Variants in CDH18 observed in about 807,000 individuals in gnomAD.
The protein encoded by CDH18 is cadherin 18.
In CDH18, 31 loss-of-function variants were observed where a neutral mutation model predicts 67.9. The ratio of observed to expected loss-of-function variants is 0.46; its 90% CI spans 0.34 to 0.62. CDH18 has a LOEUF of 0.62. CDH18 is among the 20% of genes least tolerant of loss of function. CDH18 has a pLI of 0.01. For missense variants in CDH18, 890 were observed against 975.5 expected, an observed-to-expected ratio of 0.91 and a Z score of 1.17; for synonymous variants, 362 against 347.2, an observed-to-expected ratio of 1.04 and a Z score of -0.48.
At chr5:20,408,909 G>T (rs1279809296) in intron 1 of CDH18, among the ~76,000 whole-genome samples, 1 of 151,580 alleles carries the variant, frequency 6.6e-6, no homozygotes, top group Non-Finnish European at 1.5e-5. Context: ...AACAAAGAAA[G>T]CTAGGAATAC....
intron 6 of CDH18, among the ~76,000 whole-genome samples, chr5:19,602,690 G>A (rs527867860): frequency 7.9e-5 from 12 of 152,220 alleles, no homozygotes; most frequent in African/African-American, 2.4e-4. Flanking sequence ...ATGGCAGGGC[G>A]TGGTGGCTCA....
At chr5:19,826,540 T>C (rs1243059821) in intron 3 of CDH18, among the ~76,000 whole-genome samples, 1 of 152,100 alleles carries the variant, frequency 6.6e-6, no homozygotes, top group African/African-American at 2.4e-5. Flanking sequence ...TCAGCAGAAA[T>C]CCTACAGGCC....
intron 1 of CDH18, among the ~76,000 whole-genome samples, chr5:20,308,473 G>T (rs1313094959): frequency 1.3e-5 from 2 of 151,822 alleles, no homozygotes; most frequent in Admixed American, 1.3e-4. Flanking sequence ...AACCCGGGAG[G>T]GGGAGGTTGC....
intron 2 of CDH18, among the ~76,000 whole-genome samples, chr5:20,140,301 C>T (rs1335085195): frequency 1.3e-5 from 2 of 152,020 alleles, no homozygotes; most frequent in African/African-American, 4.8e-5. Context: ...GGGAACATCA[C>T]ACACTGGGAC....
At chr5:19,804,141 A>T (rs1561334259) in intron 3 of CDH18, 1 of 150,324 alleles carries the variant, frequency 6.7e-6, no homozygotes, top group East Asian at 1.9e-4. Flanking sequence ...AAAAAAGAAA[A>T]AATACGAAAA....
chr5:20,176,154 G>A (rs1737217086), intron 2 of CDH18, among the ~76,000 whole-genome samples: 2 of 152,152 alleles, frequency 1.3e-5, no homozygotes, highest in South Asian at 4.1e-4. Context: ...GCAAGACGCA[G>A]TTTTACATGC....
chr5:20,332,244 A>G (rs902403176), intron 1 of CDH18, among the ~76,000 whole-genome samples: 1 of 152,178 alleles, frequency 6.6e-6, no homozygotes, highest in Non-Finnish European at 1.5e-5. Flanking sequence ...AGAGCAGGGT[A>G]TTTGTTATGT....
At chr5:20,361,144 G>GTTCA (rs920386158) in intron 1 of CDH18, among the ~76,000 whole-genome samples, 2 of 151,816 alleles carry the variant, frequency 1.3e-5, no homozygotes, top group African/African-American at 2.4e-5. Flanking sequence ...ATTAAAAATT[G>GTTCA]TTCATTCATT....
intron 1 of CDH18, among the ~76,000 whole-genome samples, chr5:20,318,159 C>T (rs978951694): frequency 2.0e-5 from 3 of 152,242 alleles, no homozygotes; most frequent in African/African-American, 7.2e-5. Context: ...CTGGGAAATG[C>T]TGATCTAACT....
At chr5:20,478,859 A>G (rs913096334) in intron 1 of CDH18, among the ~76,000 whole-genome samples, 15 of 152,140 alleles carry the variant, frequency 9.9e-5, no homozygotes, top group African/African-American at 3.1e-4. Context: ...TGATGGCCAC[A>G]GAAGTGCTGG....
chr5:20,521,904 G>C (rs142039883), intron 1 of CDH18, among the ~76,000 whole-genome samples: 1 of 152,080 alleles, frequency 6.6e-6, no homozygotes, highest in South Asian at 2.1e-4. Context: ...AACCCTCTTC[G>C]AATATTTCAT....
chr5:20,477,410 T>C (rs906168140), intron 1 of CDH18, among the ~76,000 whole-genome samples: 2 of 152,338 alleles, frequency 1.3e-5, no homozygotes, highest in South Asian at 2.1e-4. Flanking sequence ...AGACAGTCTT[T>C]AGTTCTTCTG....
chr5:20,069,403 T>C (rs1252855309), intron 2 of CDH18, among the ~76,000 whole-genome samples: 1 of 65,194 alleles, frequency 1.5e-5, no homozygotes, highest in Non-Finnish European at 3.6e-5. Flanking sequence ...CTTTTTTTTA[T>C]TATTTTTATT....
intron 1 of CDH18, among the ~76,000 whole-genome samples, chr5:19,987,507 T>C (rs1350184091): frequency 2.7e-5 from 4 of 150,824 alleles, no homozygotes; most frequent in Admixed American, 6.6e-5. Context: ...TAAGCTTTAA[T>C]AAGCATTTAA....
chr5:20,515,551 A>G (rs2126500984), intron 1 of CDH18, among the ~76,000 whole-genome samples: 1 of 152,134 alleles, frequency 6.6e-6, no homozygotes, highest in East Asian at 1.9e-4. Flanking sequence ...GATTTGTTTA[A>G]TTCTATTGAA....
At chr5:20,473,231 C>A (rs1355095877) in intron 1 of CDH18, among the ~76,000 whole-genome samples, 1 of 151,676 alleles carries the variant, frequency 6.6e-6, no homozygotes, top group South Asian at 2.1e-4. Context: ...AAAACAAAAA[C>A]AAAAAATTAA....
chr5:19,746,762 T>A lies in CDH18; in HGVS notation c.523+180A>T, dbSNP rs2173340. Among the ~76,000 whole-genome samples the A allele has an allele frequency of 8.1e-3, 1,239 of 152,310 alleles. 16 individuals carry two copies. The highest frequency in any genetic ancestry group is 0.028 in the African/African-American group (1,165 of 41,578). ...GATTAGAAATCAATTTCAATGAATA[T>A]AATTGCTAGACCCAATAGTCTTTAA... On this transcript the variant is annotated intron_variant, in intron 4 of 12. Coordinates refer to ENST00000382275, the MANE Select transcript of CDH18 (RefSeq NM_004934.5).
intron 1 of CDH18, among the ~76,000 whole-genome samples, chr5:20,542,632 T>C (rs1757116205): frequency 2.0e-5 from 3 of 151,972 alleles, no homozygotes; most frequent in South Asian, 2.1e-4. Context: ...TTCAACTTTA[T>C]ATATGTGGTA....
chr5:20,268,841 T>A lies in CDH18; in HGVS notation c.-579-13336A>T, dbSNP rs1745232074. The stretch of plus-strand genomic sequence containing the variant: ...TAGGTGACAAATTTATGACTAAGAC[T>A]GCATAAGCAGCAACAACACGAAGTA... On this transcript the variant is annotated intron_variant, in intron 1 of 14. Coordinates refer to the CDH18 transcript ENST00000507958. 1.3e-5 allele frequency among the ~76,000 whole-genome samples: 2 copies of A among 152,182 alleles called. 1 individual carries two copies. The highest frequency in any genetic ancestry group is 4.1e-4 in the South Asian group (2 of 4,834).
Sources: allele counts gnomAD v4.1 joint callset (sites outside exome capture counted in the v4.1 genomes callset), GRCh38; gene constraint gnomAD v4.1.1; transcripts MANE v1.5; gene names NCBI Gene and HGNC (gene_info 2026-07-23, HGNC 2026-07-21).